S100Z: variants seen among roughly 807,000 people sequenced by gnomAD.
The protein encoded by S100Z is S100 calcium binding protein Z.
S100Z carries 11 observed loss-of-function variants against 8.5 expected under a neutral mutation model. The observed-to-expected ratio is 1.30, with a 90% CI of 0.82 to 2.15. The LOEUF (loss-of-function observed/expected upper bound fraction) is 2.15, where lower values mean the gene tolerates loss of function less well. Among genes scored for constraint, S100Z ranks in the 30% most tolerant of loss-of-function variants. The pLI is 0.00. For synonymous variants in S100Z, 34 were observed against 43.8 expected (o/e 0.78, Z 0.89); for missense variants, 126 against 117.9 (o/e 1.07, Z -0.32).
At chr5:76,888,367 ATTTTTTT>A (rs1171043164) in intron 4 of S100Z, among the ~76,000 whole-genome samples, 105 of 45,420 alleles carry the variant, frequency 2.3e-3, no homozygotes, top group African/African-American at 8.6e-3. Context: ...AAGTGCTGGT[ATTTTTTT>A]TTTTTTTTTT....
At chr5:76,903,598 T>C (rs976996377) in intron 4 of S100Z, among the ~76,000 whole-genome samples, 1 of 152,192 alleles carries the variant, frequency 6.6e-6, no homozygotes, top group African/African-American at 2.4e-5. Flanking sequence ...TATCATTATA[T>C]TTAAAAATTT....
chr5:76,894,627 C>A (rs1209958456), intron 4 of S100Z, among the ~76,000 whole-genome samples: 1 of 147,468 alleles, frequency 6.8e-6, no homozygotes, highest in Non-Finnish European at 1.5e-5. Flanking sequence ...TGGAGTTTCA[C>A]TCTTGTTGCC....
At chr5:76,914,998 G>A (rs1261141449) in intron 4 of S100Z, among the ~76,000 whole-genome samples, 1 of 152,174 alleles carries the variant, frequency 6.6e-6, no homozygotes, top group Non-Finnish European at 1.5e-5. Context: ...AGAATCCACT[G>A]GAAGGAATCA....
At chr5:76,873,568 G>T (rs1445545814) in intron 2 of S100Z, among the ~76,000 whole-genome samples, 1 of 152,068 alleles carries the variant, frequency 6.6e-6, no homozygotes, top group Non-Finnish European at 1.5e-5. Context: ...AACGTGCTGG[G>T]ATTACAGGAT....
chr5:76,852,819 C>A (rs1028617958), intron 1 of S100Z, among the ~76,000 whole-genome samples: 1 of 152,144 alleles, frequency 6.6e-6, no homozygotes, highest in Non-Finnish European at 1.5e-5. Context: ...GCCTAGGTGG[C>A]TCATGAACTT....
At chr5:76,923,013 TAA>T (rs35837978), downstream of S100Z, among the ~76,000 whole-genome samples, 9 of 143,330 alleles carry the variant, frequency 6.3e-5, no homozygotes, top group African/African-American at 1.5e-4. Flanking sequence ...AATGCCTATG[TAA>T]AAAAAAAAAA....
intron 4 of S100Z, among the ~76,000 whole-genome samples, chr5:76,889,902 A>G (rs113992034): frequency 1.1e-3 from 175 of 152,384 alleles, no homozygotes; most frequent in African/African-American, 4.0e-3. Context: ...CATTGTGGTT[A>G]TTAGATAGAG....
At chr5:76,907,556 G>A (rs1161882684) in intron 4 of S100Z, among the ~76,000 whole-genome samples, 1 of 152,190 alleles carries the variant, frequency 6.6e-6, no homozygotes, top group African/African-American at 2.4e-5. Flanking sequence ...GCCTGTCTCA[G>A]CCTCCCAAAG....
chr5:76,929,691 C>T, the S100Z span, among the ~76,000 whole-genome samples: 1 of 152,056 alleles, frequency 6.6e-6, no homozygotes, highest in Non-Finnish European at 1.5e-5. Context: ...TTATATGCAG[C>T]CTGTGAATCA....
At chr5:76,936,608 A>C in the S100Z span, among the ~76,000 whole-genome samples, 8 of 128,026 alleles carry the variant, frequency 6.2e-5, no homozygotes, top group Admixed American at 6.6e-4. Context: ...AAACTCCATT[A>C]AAGTTCCTAC....
chr5:76,936,658 A>ACACACACACAC, the S100Z span, among the ~76,000 whole-genome samples: 1 of 62,020 alleles, frequency 1.6e-5, no homozygotes, highest in Non-Finnish European at 4.8e-5. Context: ...CACACACACA[A>ACACACACACAC]CCATGAAGGA....
chr5:76,943,714 C>G, the S100Z span, among the ~76,000 whole-genome samples: 2 of 152,068 alleles, frequency 1.3e-5, no homozygotes, highest in Non-Finnish European at 2.9e-5. Flanking sequence ...TTTGAGACAC[C>G]ATCTGTCTCC....
intron 2 of S100Z, among the ~76,000 whole-genome samples, chr5:76,874,197 C>CTT (rs368434034): frequency 1.4e-5 from 2 of 138,820 alleles, no homozygotes; most frequent in Non-Finnish European, 3.2e-5. Flanking sequence ...AGCACTTCCT[C>CTT]TTTTTTTTTT....
At chr5:76,933,397 C>T in the S100Z span, among the ~76,000 whole-genome samples, 2 of 152,142 alleles carry the variant, frequency 1.3e-5, no homozygotes, top group Admixed American at 6.5e-5. Context: ...TGGGACCCAG[C>T]GGGTGGAGGA....
At chr5:76,895,242 G>A (rs867838140) in intron 4 of S100Z, among the ~76,000 whole-genome samples, 1 of 152,126 alleles carries the variant, frequency 6.6e-6, no homozygotes. Flanking sequence ...TTTAAAACTT[G>A]TTTACGGTAC....
At chr5:76,914,088 C>T (rs1217477069) in intron 4 of S100Z, among the ~76,000 whole-genome samples, 2 of 152,146 alleles carry the variant, frequency 1.3e-5, no homozygotes, top group African/African-American at 2.4e-5. Context: ...CAACTTCTAC[C>T]GAGGACCCCT....
chr5:76,886,274 C>T (rs562877294), intron 4 of S100Z, among the ~76,000 whole-genome samples: 9 of 152,240 alleles, frequency 5.9e-5, no homozygotes, highest in African/African-American at 1.9e-4. Context: ...TGACCTGCGC[C>T]GGAGTTTTGG....
intron 1 of S100Z, among the ~76,000 whole-genome samples, chr5:76,862,300 C>T (rs1271145518): frequency 4.6e-5 from 7 of 152,086 alleles, no homozygotes; most frequent in Non-Finnish European, 7.4e-5. Context: ...GCAGCCAGAT[C>T]GCATAAGCAA....
At chr5:76,919,699 T>C (rs1744977567) in intron 4 of S100Z, among the ~76,000 whole-genome samples, 1 of 151,466 alleles carries the variant, frequency 6.6e-6, no homozygotes, top group Admixed American at 6.6e-5. Flanking sequence ...CTCAAATTCC[T>C]GGGTTCAAGC....
Sources: allele counts gnomAD v4.1 joint callset (sites outside exome capture counted in the v4.1 genomes callset), GRCh38; gene constraint gnomAD v4.1.1; transcripts MANE v1.5; gene names NCBI Gene and HGNC (gene_info 2026-07-23, HGNC 2026-07-21).